The following CST7 variants were observed in gnomAD, a reference collection of about 807,000 sequenced individuals.
The protein encoded by CST7 is cystatin-F.
A neutral mutation model predicts 13.1 loss-of-function variants in CST7; 15 were observed. The observed-to-expected ratio is 1.14, with a 90% CI of 0.77 to 1.76. The LOEUF (loss-of-function observed/expected upper bound fraction) is 1.76. Ranked by LOEUF, CST7 falls within the 40% of genes most tolerant of loss-of-function variation. The pLI is 0.00. For missense variants in CST7, 193 were observed against 178.8 expected (o/e 1.08, Z -0.45); for synonymous variants, 75 against 66.9 (o/e 1.12, Z -0.59).
At chr20:24,956,930 C>T (rs1292922499) in intron 1 of CST7, among the ~76,000 whole-genome samples, 1 of 127,462 alleles carries the variant, frequency 7.8e-6, no homozygotes, top group African/African-American at 3.0e-5. Flanking sequence ...ATTGCACCCC[C>T]TGGCACCTGG....
At chr20:24,951,669 C>A (rs959891561) in intron 1 of CST7, among the ~76,000 whole-genome samples, 1 of 152,180 alleles carries the variant, frequency 6.6e-6, no homozygotes, top group South Asian at 2.1e-4. Context: ...ACAGGGACCC[C>A]AAGGGTGGTG....
intron 1 of CST7, among the ~76,000 whole-genome samples, chr20:24,956,069 GA>G (rs1406733375): frequency 6.6e-6 from 1 of 152,164 alleles, no homozygotes; most frequent in Non-Finnish European, 1.5e-5. Context: ...TCTTTACCGG[GA>G]TGGGGCGACA....
chr20:24,949,290 A>T lies in CST7; in HGVS notation c.-216A>T. The T allele has an allele frequency of 7.1e-7, 1 of 1,414,084 alleles. No homozygotes were observed. The highest frequency in any genetic ancestry group is 9.5e-7 in the Non-Finnish European group (1 of 1,055,894). 87.6% of individuals were successfully genotyped at this position (1,414,084 alleles called of 1,614,324 possible). On this transcript the variant is annotated 5_prime_UTR_variant, in exon 1 of 4. It adds an upstream start codon to the 5' untranslated region. Transcript: ENST00000480798. Reference sequence around the variant, plus strand: ...GCCCACTGTTCCATGCTGCCCAAGAAGGCTCAGCACAGGCACAAACCATTG... The same window carrying T: ...GCCCACTGTTCCATGCTGCCCAAGATGGCTCAGCACAGGCACAAACCATTG...
chr20:24,951,001 C>A (rs1304261482), intron 1 of CST7, among the ~76,000 whole-genome samples: 1 of 152,218 alleles, frequency 6.6e-6, no homozygotes, highest in East Asian at 1.9e-4. Context: ...CAGAGCTCTG[C>A]TCATCTCACG....
At chr20:24,953,363 G>A (rs541124172) in intron 1 of CST7, among the ~76,000 whole-genome samples, 2 of 152,316 alleles carry the variant, frequency 1.3e-5, no homozygotes, top group Non-Finnish European at 2.9e-5. Flanking sequence ...CACAGCACAG[G>A]GAGAGGAAGA....
Position 24,949,477 on chromosome 20 carries a change from T to G in CST7, c.-29T>G. 6.2e-7 allele frequency: 1 copy of G among 1,613,876 alleles called. No individual in the cohort carries two copies. Among genetic ancestry groups the G allele is most frequent in the Non-Finnish European group, 8.5e-7 (1 of 1,179,890 alleles). ...AAGGCACTGCACGGCCACCCCCAAC[T>G]GCCCCGCACTGTCCCTACCCGGGCA... On this transcript the variant is annotated 5_prime_UTR_variant, in exon 1 of 4. Coordinates refer to ENST00000480798, the MANE Select transcript of CST7 (RefSeq NM_003650.4).
chr20:24,958,125 GT>G (rs1182649687), intron 2 of CST7, among the ~76,000 whole-genome samples: 2 of 152,232 alleles, frequency 1.3e-5, no homozygotes, highest in Non-Finnish European at 2.9e-5. Context: ...AGTGTTCATG[GT>G]TATGCTGGGT....
chr20:24,957,568 G>C (rs2087867309), intron 2 of CST7, 109 bp downstream of exon 2: 7 of 1,099,788 alleles, frequency 6.4e-6, no homozygotes, highest in Non-Finnish European at 9.3e-6. Flanking sequence ...TCCCTGCTGA[G>C]TGCAGAGCTC....
intron 2 of CST7, among the ~76,000 whole-genome samples, chr20:24,957,967 C>T (rs1171775640): frequency 6.6e-6 from 1 of 152,184 alleles, no homozygotes; most frequent in Non-Finnish European, 1.5e-5. Flanking sequence ...CTACTGCGCC[C>T]GCTCAGCACC....
At chr20:24,952,836 C>T (rs1425694793) in intron 1 of CST7, among the ~76,000 whole-genome samples, 2 of 152,244 alleles carry the variant, frequency 1.3e-5, no homozygotes, top group Non-Finnish European at 2.9e-5. Flanking sequence ...ACCTCCCGGC[C>T]ACACCTAGAA....
intron 3 of CST7, 52 bp downstream of exon 3, chr20:24,959,096 C>G: frequency 7.2e-7 from 1 of 1,388,572 alleles, no homozygotes; most frequent in Non-Finnish European, 1.0e-6. Context: ...CCAGCCCACT[C>G]CCTCCCAGGA....
intron 1 of CST7, among the ~76,000 whole-genome samples, chr20:24,954,614 C>T (rs1301701186): frequency 6.6e-6 from 1 of 152,202 alleles, no homozygotes; most frequent in African/African-American, 2.4e-5. Context: ...TCTGTTTAGA[C>T]AACTGTAAGA....
rs761871362 is a variant in CST7, at chr20:24,959,043, A to C, written c.359A>C (p.Gln120Pro). 1.9e-6 allele frequency: 3 copies of C among 1,611,380 alleles called. No individual in the cohort carries two copies. Among genetic ancestry groups the C allele is most frequent in the East Asian group, 4.5e-5 (2 of 44,868 alleles). ...TTCCAAACCAACCACACCTTGAAGCAGGTAAAGCAGCAGGCCCTTCTCTCA... is the reference window on the plus strand; with the variant it reads ...TTCCAAACCAACCACACCTTGAAGCCGGTAAAGCAGCAGGCCCTTCTCTCA... ...CDFQTNHTLKQTLSCYSEVWV... is the reference protein window; with the variant it reads ...CDFQTNHTLKPTLSCYSEVWV... The change falls in exon 3 of 4, where the codon CAG (glutamine) becomes CCG (proline). Residue 120 changes from glutamine (Q) to proline (P), a missense_variant and splice_region_variant. Physicochemically the swap from Gln to Pro is moderately conservative, Grantham distance 76. Coordinates refer to ENST00000480798, the MANE Select transcript of CST7 (RefSeq NM_003650.4).
chr20:24,953,557 C>T (rs894167544), intron 1 of CST7, among the ~76,000 whole-genome samples: 3 of 152,174 alleles, frequency 2.0e-5, no homozygotes, highest in Non-Finnish European at 4.4e-5. Flanking sequence ...ATTTGCCTTC[C>T]TGTGACCATG....
At chr20:24,959,531 A>C in intron 3 of CST7, 104 bp from the exon 4 acceptor site, 1 of 1,045,850 alleles carries the variant, frequency 9.6e-7, no homozygotes, top group Non-Finnish European at 1.4e-6. Context: ...AAAATGAAAA[A>C]TAGGGGCAGG....
At chr20:24,959,560 GGACCAC>G in intron 3 of CST7, 69 bp from the exon 4 acceptor site, 5 of 1,404,582 alleles carry the variant, frequency 3.6e-6, no homozygotes, top group Non-Finnish European at 5.0e-6. Flanking sequence ...TCCTCCATGA[GGACCAC>G]CCCTCCACGG....
chr20:24,959,672 GGCTCCA>G lies in CST7; in HGVS notation c.401_406del (p.Leu134_Gln135del). ...TACTCTGAAGTCTGGGTCGTGCCCT[GGCTCCA>G]GCACTTCGAGGTGCCTGTTCTCCGT... On this transcript the variant is annotated inframe_deletion, in exon 4 of 4. Transcript: ENST00000480798. 6.2e-7 allele frequency: 1 copy of G among 1,614,122 alleles called. No individual in the cohort carries two copies. Among genetic ancestry groups the G allele is most frequent in the Non-Finnish European group, 8.5e-7 (1 of 1,180,020 alleles).
At chr20:24,954,412 T>G (rs6050198) in intron 1 of CST7, among the ~76,000 whole-genome samples, 90,564 of 152,056 alleles carry the variant, frequency 0.6, 27,844 homozygotes, top group East Asian at 0.93. Context: ...CTTGACTCCA[T>G]CGGAGGCTCT....
At chr20:24,957,012 A>AG (rs1170171306) in intron 1 of CST7, among the ~76,000 whole-genome samples, 1 of 6,452 alleles carries the variant, frequency 1.5e-4, no homozygotes, top group East Asian at 6.4e-3. Flanking sequence ...GGGGCAGGTG[A>AG]GGGGGGCAGG....
Sources: gnomAD v4.1 joint callset for allele counts (sites outside exome capture counted in the v4.1 genomes callset) on GRCh38, gnomAD v4.1.1 for gene constraint, MANE v1.5 for transcripts, NCBI Gene and HGNC (gene_info 2026-07-23, HGNC 2026-07-21) for gene names.